IQCF3: variants seen among roughly 807,000 people sequenced by gnomAD.
IQCF3 encodes IQ motif containing F3.
Under a neutral mutation model 5.1 loss-of-function variants are expected in IQCF3, and 7 were observed. The observed-to-expected ratio is 1.36, with a 90% CI of 0.78 to 2.56. IQCF3 has a LOEUF of 2.56. Ranked by LOEUF, IQCF3 falls within the 30% of genes most tolerant of loss-of-function variation. The pLI is 0.00. For missense variants in IQCF3, 189 were observed against 196.5 expected, an observed-to-expected ratio of 0.96 and a Z score of 0.23; for synonymous variants, 82 against 72.8, an observed-to-expected ratio of 1.13 and a Z score of -0.64.
chr3:51,830,823 A>T lies in IQCF3; in HGVS notation c.*22A>T. The stretch of plus-strand genomic sequence containing the variant: ...CTGAAAGGCCTGGGGCATGGAGAAC[A>T]GGCTGCACTACCCTAATAAATGTCT... On this transcript the variant is annotated 3_prime_UTR_variant, in exon 3 of 3. Transcript: ENST00000440739. This position sits in a 1 kb window ranked among gnomAD's most constrained non-coding sequence, Gnocchi z 4.1. The T allele has an allele frequency of 6.5e-7, 1 of 1,543,288 alleles. No individual in the cohort carries two copies. The highest frequency in any genetic ancestry group is 8.7e-7 in the Non-Finnish European group (1 of 1,143,718).
At position 51,830,476 on chromosome 3, in the gene IQCF3, T is replaced by C. The variant is rs760876497; in HGVS notation, c.140T>C (p.Val47Ala). 1.2e-6 allele frequency: 2 copies of C among 1,606,704 alleles called. No individual in the cohort carries two copies. Among genetic ancestry groups the C allele is most frequent in the Non-Finnish European group, 8.5e-7 (1 of 1,176,738 alleles). Residue 47 changes from valine to alanine, a missense_variant, in exon 3 of 3, where the codon GTC becomes GCC. Coordinates refer to ENST00000440739, the MANE Select transcript of IQCF3 (RefSeq NM_001393887.1). This position sits in a 1 kb window ranked among gnomAD's most constrained non-coding sequence, Gnocchi z 4.1. ...CAGATCCAGGCCTGGTGGCGTGGGG[T>C]CCTGGTGCGCAGGACCCTGCTGGTT... ...AGQIQAWWRG[V>A]LVRRTLLVAA...
chr3:51,830,282 A>G lies in IQCF3; in HGVS notation c.67-121A>G. The G allele has an allele frequency of 9.0e-7, 1 of 1,116,228 alleles. No individual in the cohort carries two copies. Among genetic ancestry groups the G allele is most frequent in the East Asian group, 2.5e-5 (1 of 40,608 alleles). The allele number at this position is 1,116,228 out of a possible 1,614,324, so 69.1% of individuals were successfully genotyped here. A position where few individuals can be genotyped will look rare whatever the true frequency, so the allele number is the denominator to read the frequency against. On this transcript the variant is annotated intron_variant, in intron 2 of 2. Coordinates refer to ENST00000440739, the MANE Select transcript of IQCF3 (RefSeq NM_001393887.1). The surrounding 1 kb of genome is among the most constrained non-coding windows in gnomAD (Gnocchi z 4.1). ...GCCATGAACAGGACAGAAGTAGAGGACAAACCCCACCCAGGTCTCCTGGGT... is the reference window on the plus strand; with the variant it reads ...GCCATGAACAGGACAGAAGTAGAGGGCAAACCCCACCCAGGTCTCCTGGGT...
chr3:51,829,671 G>A lies in IQCF3; in HGVS notation c.25G>A (p.Gly9Ser), dbSNP rs776508280. The change falls in exon 2 of 3, where the codon GGT becomes AGT. Residue 9 changes from glycine to serine, a missense_variant. By Grantham distance (56) the Gly-to-Ser change is moderately conservative. Coordinates refer to ENST00000440739, the MANE Select transcript of IQCF3 (RefSeq NM_001393887.1). MGSKCCKG[G>S]PDEDAVERQR... ...ACCCATATTCCGATTGCAGAAAGGT[G>A]GTCCAGATGAAGATGCAGTAGAAAG... 2 of 1,613,722 alleles carry A rather than the reference G, an allele frequency of 1.2e-6. No homozygotes were observed.
chr3:51,830,399 C>T lies in IQCF3; in HGVS notation c.67-4C>T, dbSNP rs1438750355. ...ACTGGGAGTCCTCTGCTTTGCTTGG[C>T]CAGTTGCTTCTTGCACAACTGCATC... is the stretch of plus-strand genomic sequence containing the variant. On this transcript the variant is annotated splice_region_variant and splice_polypyrimidine_tract_variant and intron_variant, in intron 2 of 2. Transcript: ENST00000440739. The surrounding 1 kb of genome is among the most constrained non-coding windows in gnomAD (Gnocchi z 4.1). 1.3e-6 allele frequency: 2 copies of T among 1,529,406 alleles called. No homozygotes were observed. Among genetic ancestry groups the T allele is most frequent in the Non-Finnish European group, 1.8e-6 (2 of 1,140,462 alleles). The allele number at this position is 1,529,406 out of a possible 1,614,324, so 94.7% of individuals were successfully genotyped here. A position where few individuals can be genotyped will look rare whatever the true frequency, so the allele number is the denominator to read the frequency against.
chr3:51,827,607 T>C (rs1396113323), upstream of IQCF3, among the ~76,000 whole-genome samples: 1 of 152,094 alleles, frequency 6.6e-6, no homozygotes, highest in Non-Finnish European at 1.5e-5. Context: ...GTAAGTTTTT[T>C]TAAACAAGGT....
At chr3:51,828,470 C>A (rs1434769661), upstream of IQCF3, 1 of 152,168 alleles carries the variant, frequency 6.6e-6, no homozygotes, top group Non-Finnish European at 1.5e-5. Context: ...TGTGATTAAT[C>A]ACATTTTATT....
Position 51,830,175 on chromosome 3 carries a change from G to C in IQCF3, c.67-228G>C, listed in dbSNP as rs1455083198. On this transcript the variant is annotated intron_variant, in intron 2 of 2. Transcript: ENST00000440739. The surrounding 1 kb of genome is among the most constrained non-coding windows in gnomAD (Gnocchi z 4.1). ...TCTGGACCAGAAAGTGTCTCCGCTA[G>C]TCCCATAAACCCGAGAAGTCCACAG... 6.6e-6 allele frequency among the ~76,000 whole-genome samples: 1 copy of C among 152,172 alleles called. No homozygotes were observed. The highest frequency in any genetic ancestry group is 1.5e-5 in the Non-Finnish European group (1 of 68,034).
At position 51,830,606 on chromosome 3, in the gene IQCF3, G is replaced by A. The variant is rs1212738573; in HGVS notation, c.270G>A (p.Glu90=). ...QALLRVYVIQ[E]QATVKLQSCI... ...TGTTGAGGGTCTACGTCATCCAGGA[G>A]CAGGCGACGGTCAAGCTCCAGTCCT... The change falls in exon 3 of 3, where the codon GAG becomes GAA. Residue 90 remains glutamate, a synonymous_variant. Coordinates refer to ENST00000440739, the MANE Select transcript of IQCF3 (RefSeq NM_001393887.1). This position sits in a 1 kb window ranked among gnomAD's most constrained non-coding sequence, Gnocchi z 4.1. 1.9e-6 allele frequency: 3 copies of A among 1,613,838 alleles called. No individual in the cohort carries two copies. The highest frequency in any genetic ancestry group is 2.5e-6 in the Non-Finnish European group (3 of 1,179,880).
At chr3:51,827,511 T>C (rs1245959548), upstream of IQCF3, among the ~76,000 whole-genome samples, 19 of 152,014 alleles carry the variant, frequency 1.2e-4, no homozygotes, top group Admixed American at 1.2e-3. Context: ...TAATTACAAT[T>C]TTTATAATTA....
upstream of IQCF3, chr3:51,827,206 T>C (rs1050035956): frequency 1.3e-5 from 2 of 152,192 alleles, no homozygotes; most frequent in Non-Finnish European, 2.9e-5. Context: ...GCCATGTTGC[T>C]AAGCCATGGA....
Position 51,830,317 on chromosome 3 carries a change from C to A in IQCF3, c.67-86C>A. ...CCCAGGTCTCCTGGGTCCTCAAAAC[C>A]AGCAGGGAGAGGGCTGATTCTTTAG... On this transcript the variant is annotated intron_variant, in intron 2 of 2. Transcript: ENST00000440739. This position sits in a 1 kb window ranked among gnomAD's most constrained non-coding sequence, Gnocchi z 4.1. 1 of 1,478,532 alleles carries A rather than the reference C, an allele frequency of 6.8e-7. No homozygotes were observed. The highest frequency in any genetic ancestry group is 9.1e-7 in the Non-Finnish European group (1 of 1,104,750). The allele number at this position is 1,478,532 out of a possible 1,614,324, so 91.6% of individuals were successfully genotyped here. A position where few individuals can be genotyped will look rare whatever the true frequency, so the allele number is the denominator to read the frequency against.
Position 51,829,831 on chromosome 3 carries a change from C to T in IQCF3, c.66+119C>T. Reference sequence around the variant, plus strand: ...GCCCTCTTATCCCCTCAAGCCCTCCCTCTCCTTGGTGAACTGAGTAAGGTA... The same window carrying T: ...GCCCTCTTATCCCCTCAAGCCCTCCTTCTCCTTGGTGAACTGAGTAAGGTA... On this transcript the variant is annotated intron_variant, in intron 2 of 2. Coordinates refer to ENST00000440739, the MANE Select transcript of IQCF3 (RefSeq NM_001393887.1). 3.0e-6 allele frequency: 3 copies of T among 1,000,266 alleles called. No homozygotes were observed. The South Asian group carries it at 4.4e-5, about 15-fold the overall frequency. The allele number at this position is 1,000,266 out of a possible 1,614,324, so 62.0% of individuals were successfully genotyped here. A position where few individuals can be genotyped will look rare whatever the true frequency, so the allele number is the denominator to read the frequency against.
rs749063232 is a variant in IQCF3, at chr3:51,830,503, C to G, written c.167C>G (p.Ala56Gly). The G allele has an allele frequency of 6.2e-7, 1 of 1,613,930 alleles. No homozygotes were observed. The highest frequency in any genetic ancestry group is 8.5e-7 in the Non-Finnish European group (1 of 1,179,844). The change falls in exon 3 of 3, where the codon GCT becomes GGT. Residue 56 changes from alanine to glycine, a missense_variant. Physicochemically the swap from Ala to Gly is moderately conservative, Grantham distance 60. Coordinates refer to ENST00000440739, the MANE Select transcript of IQCF3 (RefSeq NM_001393887.1). This position sits in a 1 kb window ranked among gnomAD's most constrained non-coding sequence, Gnocchi z 4.1. ...CTGGTGCGCAGGACCCTGCTGGTTG[C>G]TGCCCTCAGGGCCTGGATGATTCAG... ...GVLVRRTLLV[A>G]ALRAWMIQCW... is the part of the protein sequence containing the mutation.
In IQCF3 at chr3:51,830,301, C is replaced by T; in HGVS notation, c.67-102C>T. ...TAGAGGACAAACCCCACCCAGGTCT[C>T]CTGGGTCCTCAAAACCAGCAGGGAG... On this transcript the variant is annotated intron_variant, in intron 2 of 2. Coordinates refer to ENST00000440739, the MANE Select transcript of IQCF3 (RefSeq NM_001393887.1). This position sits in a 1 kb window ranked among gnomAD's most constrained non-coding sequence, Gnocchi z 4.1. The T allele has an allele frequency of 7.2e-7, 1 of 1,385,196 alleles. No homozygotes were observed. Among genetic ancestry groups the T allele is most frequent in the East Asian group, 2.3e-5 (1 of 42,872 alleles). 85.8% of individuals were successfully genotyped at this position (1,385,196 alleles called of 1,614,324 possible).
rs1373153813 is a variant in IQCF3, at chr3:51,830,510, C to T, written c.174C>T (p.Leu58=). 12 of 1,613,854 alleles carry T rather than the reference C, an allele frequency of 7.4e-6. No individual in the cohort carries two copies. The Admixed American group carries it at 1.8e-4, about 25-fold the overall frequency. The change falls in exon 3 of 3, where the codon CTC becomes CTT. Residue 58 remains leucine (L), a synonymous_variant. Coordinates refer to ENST00000440739, the MANE Select transcript of IQCF3 (RefSeq NM_001393887.1). This position sits in a 1 kb window ranked among gnomAD's most constrained non-coding sequence, Gnocchi z 4.1. ...LVRRTLLVAA[L]RAWMIQCWWR... is the part of the protein sequence containing the mutation. Reference sequence around the variant, plus strand: ...GCAGGACCCTGCTGGTTGCTGCCCTCAGGGCCTGGATGATTCAGTGCTGGT... The same window carrying T: ...GCAGGACCCTGCTGGTTGCTGCCCTTAGGGCCTGGATGATTCAGTGCTGGT...
At chr3:51,829,362 T>C, upstream of IQCF3, 1 of 1,202,968 alleles carries the variant, frequency 8.3e-7, no homozygotes, top group Middle Eastern at 1.9e-4. Context: ...TGGCCCCTGG[T>C]CATAGTTGCC....
At chr3:51,827,286 T>C (rs1698298239), upstream of IQCF3, 1 of 152,234 alleles carries the variant, frequency 6.6e-6, no homozygotes, top group East Asian at 1.9e-4. Flanking sequence ...TATAATCATA[T>C]AGAGAGGAGA....
chr3:51,830,170 C>T lies in IQCF3; in HGVS notation c.67-233C>T, dbSNP rs936606251. ...GGTCTTCTGGACCAGAAAGTGTCTC[C>T]GCTAGTCCCATAAACCCGAGAAGTC... is the stretch of plus-strand genomic sequence containing the variant. On this transcript the variant is annotated intron_variant, in intron 2 of 2. Coordinates refer to ENST00000440739, the MANE Select transcript of IQCF3 (RefSeq NM_001393887.1). This position sits in a 1 kb window ranked among gnomAD's most constrained non-coding sequence, Gnocchi z 4.1. Among the ~76,000 whole-genome samples, 2 of 152,120 alleles carry T rather than the reference C, an allele frequency of 1.3e-5. No individual in the cohort carries two copies. Among genetic ancestry groups the T allele is most frequent in the Non-Finnish European group, 2.9e-5 (2 of 68,026 alleles).
rs377100769 is a variant in IQCF3 at position 51,830,630 on chromosome 3, C to T, written c.294C>T (p.Ser98=). The change falls in exon 3 of 3, where the codon TCC becomes TCT. Residue 98 remains serine (S), a synonymous_variant. Transcript: ENST00000440739. The surrounding 1 kb of genome is among the most constrained non-coding windows in gnomAD (Gnocchi z 4.1). The stretch of plus-strand genomic sequence containing the variant: ...AGCAGGCGACGGTCAAGCTCCAGTC[C>T]TGCATCCGCATGTGGCAGTGCCGGC... ...IQEQATVKLQ[S]CIRMWQCRQC... The T allele has an allele frequency of 2.5e-6, 4 of 1,613,918 alleles. No individual in the cohort carries two copies. The highest frequency in any genetic ancestry group is 3.4e-6 in the Non-Finnish European group (4 of 1,179,900).
Sources: gnomAD v4.1 joint callset for allele counts (sites outside exome capture counted in the v4.1 genomes callset) on GRCh38, gnomAD v4.1.1 for gene constraint, Gnocchi (gnomAD v3.1) non-coding constraint, MANE v1.5 for transcripts, NCBI Gene and HGNC (gene_info 2026-07-23, HGNC 2026-07-21) for gene names.